The following TYW1B variants were observed in gnomAD, a reference collection of about 807,000 sequenced individuals.
TYW1B encodes the protein tRNA-yW synthesizing protein 1 homolog B.
TYW1B carries 73 observed loss-of-function variants against 86.9 expected under a neutral mutation model. The observed-to-expected ratio is 0.84, with a 90% CI of 0.70 to 1.02. The LOEUF (loss-of-function observed/expected upper bound fraction) is 1.02, where lower values mean the gene tolerates loss of function less well. Ranked by LOEUF, TYW1B falls within the 50% of genes least tolerant of loss-of-function variation. TYW1B has a pLI of 0.00. For synonymous variants in TYW1B, 248 were observed against 292.8 expected, an observed-to-expected ratio of 0.85 and a Z score of 1.56; for missense variants, 637 against 827.4, an observed-to-expected ratio of 0.77 and a Z score of 2.82.
Position 72,653,912 on chromosome 7 carries a change from T to G in TYW1B, c.1507-24915A>C, listed in dbSNP as rs1445939172. Among the ~76,000 whole-genome samples, 12 of 151,840 alleles carry G rather than the reference T, an allele frequency of 7.9e-5. 1 individual carries two copies. Among genetic ancestry groups the G allele is most frequent in the East Asian group, 7.7e-4 (4 of 5,166 alleles). The stretch of plus-strand genomic sequence containing the variant: ...CCAACCAACATAGCTGAACCCTGTC[T>G]CTATTAAAAATACAAAAATTAGCCA... On this transcript the variant is annotated intron_variant, in intron 11 of 13. Transcript: ENST00000620995.
At chr7:72,744,685 C>T (rs1200850717) in intron 7 of TYW1B, 84 bp from the exon 8 acceptor site, 1 of 1,414,346 alleles carries the variant, frequency 7.1e-7, no homozygotes, top group Non-Finnish European at 1.0e-6. Flanking sequence ...TTAAGAGAAA[C>T]CATGTGTTTC....
intron 11 of TYW1B, among the ~76,000 whole-genome samples, chr7:72,647,712 T>C (rs1395242181): frequency 6.6e-6 from 1 of 151,774 alleles, no homozygotes; most frequent in African/African-American, 2.4e-5. Context: ...TTTGAGACAG[T>C]TTTGCTCTGT....
At chr7:72,759,096 C>A (rs113062092) in intron 7 of TYW1B, among the ~76,000 whole-genome samples, 1 of 152,096 alleles carries the variant, frequency 6.6e-6, no homozygotes, top group Admixed American at 6.6e-5. Context: ...CGTGCGAGGC[C>A]GAGGCAGGCA....
chr7:72,769,392 A>G (rs1554469120), intron 7 of TYW1B, among the ~76,000 whole-genome samples: 1 of 152,208 alleles, frequency 6.6e-6, no homozygotes, highest in Non-Finnish European at 1.5e-5. Flanking sequence ...CTAAAAGAGT[A>G]AGAGACTGAT....
At chr7:72,707,881 T>C (rs541547384) in intron 10 of TYW1B, among the ~76,000 whole-genome samples, 23 of 152,352 alleles carry the variant, frequency 1.5e-4, no homozygotes, top group African/African-American at 5.1e-4. Context: ...GCTGTTCTCG[T>C]GATAATGAGT....
At chr7:72,824,856 C>T (rs1554481161) in intron 2 of TYW1B, among the ~76,000 whole-genome samples, 1 of 151,984 alleles carries the variant, frequency 6.6e-6, no homozygotes. Flanking sequence ...GTAATCCCAA[C>T]ACTTTAGGAG....
chr7:72,806,672 G>A (rs1157576463), intron 5 of TYW1B, among the ~76,000 whole-genome samples: 1 of 151,162 alleles, frequency 6.6e-6, no homozygotes, highest in Non-Finnish European at 1.5e-5. Context: ...TGTTTTTGGG[G>A]CAGGGTCTCA....
At chr7:72,697,180 CTTAAGA>C (rs1814342029) in intron 10 of TYW1B, among the ~76,000 whole-genome samples, 1 of 151,966 alleles carries the variant, frequency 6.6e-6, no homozygotes, top group Admixed American at 6.6e-5. Context: ...TCCATAACTA[CTTAAGA>C]TTATGAACAG....
chr7:72,614,662 CTTGATAGTA>C (rs1299308311), intron 13 of TYW1B, among the ~76,000 whole-genome samples: 13 of 150,980 alleles, frequency 8.6e-5, no homozygotes, highest in African/African-American at 1.7e-4. Flanking sequence ...ACACAGAGGT[CTTGATAGTA>C]CCTACCTTGT....
chr7:72,595,206 T>C (rs1811500711), intron 13 of TYW1B, among the ~76,000 whole-genome samples: 2 of 152,218 alleles, frequency 1.3e-5, no homozygotes, highest in Admixed American at 6.5e-5. Context: ...ATAATTTTTG[T>C]TTTTAAATGA....
intron 7 of TYW1B, among the ~76,000 whole-genome samples, chr7:72,754,298 A>G (rs1454107831): frequency 2.6e-5 from 4 of 152,008 alleles, no homozygotes; most frequent in Non-Finnish European, 5.9e-5. Context: ...CGCTGCCACC[A>G]CGTCTGGCTA....
At position 72,674,759 on chromosome 7, in the gene TYW1B, C is replaced by CTTTTT. The variant is rs10712486; in HGVS notation, c.1506+19923_1506+19927dup. Among the ~76,000 whole-genome samples the CTTTTT allele has an allele frequency of 1.5e-5, 2 of 134,148 alleles. 1 individual carries two copies. The highest frequency in any genetic ancestry group is 3.1e-5 in the Non-Finnish European group (2 of 64,190). The allele number at this position is 134,148 out of a possible 152,430, so 88.0% of individuals were successfully genotyped here. A position where few individuals can be genotyped will look rare whatever the true frequency, so the allele number is the denominator to read the frequency against. ...ACAGTTTCAAATTTTCCTTTTCTCT[C>CTTTTT]TTTTTTTTTTTTTTTTTTAAAGAGA... On this transcript the variant is annotated intron_variant, in intron 11 of 13. Transcript: ENST00000620995.
chr7:72,641,139 CA>C (rs1257443952), intron 11 of TYW1B, among the ~76,000 whole-genome samples: 1 of 151,474 alleles, frequency 6.6e-6, no homozygotes, highest in African/African-American at 2.4e-5. Context: ...AACTATATAC[CA>C]AAAAAAGTGG....
At chr7:72,601,749 G>A in intron 13 of TYW1B, among the ~76,000 whole-genome samples, 1 of 129,178 alleles carries the variant, frequency 7.7e-6, no homozygotes, top group African/African-American at 3.1e-5. Flanking sequence ...ATATTGCTAA[G>A]TGAAAAAAAA....
At chr7:72,581,362 C>T (rs1171052642) in intron 13 of TYW1B, among the ~76,000 whole-genome samples, 1 of 151,870 alleles carries the variant, frequency 6.6e-6, no homozygotes, top group Non-Finnish European at 1.5e-5. Context: ...TGACAAGATA[C>T]TGAGGTTGGG....
intron 7 of TYW1B, among the ~76,000 whole-genome samples, chr7:72,751,230 G>A (rs1185684620): frequency 6.6e-6 from 1 of 152,064 alleles, no homozygotes; most frequent in African/African-American, 2.4e-5. Flanking sequence ...TGGAGATGGG[G>A]TTTCACCATG....
Position 72,597,594 on chromosome 7 carries a change from C to G in TYW1B, c.1785+19078G>C, listed in dbSNP as rs797040631. ...GTACCACCCTGAACGCACCCGATCT[C>G]GGCTGAACTAGACACACCTCTGGGC... On this transcript the variant is annotated intron_variant, in intron 13 of 13. Coordinates refer to ENST00000620995, the MANE Select transcript of TYW1B (RefSeq NM_001145440.3). Among the ~76,000 whole-genome samples the G allele has an allele frequency of 2.0e-5, 3 of 151,876 alleles. No homozygotes were observed. The East Asian group carries it at 5.8e-4, about 29-fold the overall frequency.
At position 72,613,401 on chromosome 7, in the gene TYW1B, C is replaced by CTTTTTTT. The variant is rs71517349; in HGVS notation, c.1785+3264_1785+3270dup. ...AATTAAAATATTTACTTTATATCTT[C>CTTTTTTT]TTTTTTTTTTTTTTTTTTTTTTTTG... On this transcript the variant is annotated intron_variant, in intron 13 of 13. Coordinates refer to ENST00000620995, the MANE Select transcript of TYW1B (RefSeq NM_001145440.3). 9.3e-4 allele frequency among the ~76,000 whole-genome samples: 75 copies of CTTTTTTT among 80,952 alleles called. 2 individuals carry two copies. The highest frequency in any genetic ancestry group is 2.1e-3 in the East Asian group (5 of 2,328). The allele number at this position is 80,952 out of a possible 152,430, so 53.1% of individuals were successfully genotyped here.
At chr7:72,751,526 A>G (rs1055043484) in intron 7 of TYW1B, among the ~76,000 whole-genome samples, 32 of 152,200 alleles carry the variant, frequency 2.1e-4, no homozygotes, top group African/African-American at 7.2e-4. Flanking sequence ...GTCTTTGCTG[A>G]GATTTCTTTT....
Sources: gnomAD v4.1 joint callset for allele counts (sites outside exome capture counted in the v4.1 genomes callset) on GRCh38, gnomAD v4.1.1 for gene constraint, MANE v1.5 for transcripts, NCBI Gene and HGNC (gene_info 2026-07-23, HGNC 2026-07-21) for gene names.